The following LARGE1 variants were observed in gnomAD, a reference collection of about 807,000 sequenced individuals.
The protein encoded by LARGE1 is LARGE xylosyl- and glucuronyltransferase 1.
A neutral mutation model predicts 87.6 loss-of-function variants in LARGE1; 43 were observed. That is an observed-to-expected ratio of 0.49 (90% CI 0.38 to 0.63). LARGE1 has a LOEUF of 0.63. Among genes scored for constraint, LARGE1 ranks in the 30% least tolerant of loss-of-function variants. The probability of loss-of-function intolerance (pLI) is 0.00; values close to 1 mark genes in which losing one functional copy is unlikely to be tolerated. For synonymous variants in LARGE1, 434 were observed against 394.6 expected (o/e 1.10, Z -1.18); for missense variants, 802 against 1,000.2 (o/e 0.80, Z 2.67).
At chr22:33,730,332 T>C (rs578012160) in intron 2 of LARGE1, among the ~76,000 whole-genome samples, 1 of 152,256 alleles carries the variant, frequency 6.6e-6, no homozygotes, top group African/African-American at 2.4e-5. Flanking sequence ...GTGAATCAAC[T>C]GTTACTGTTA....
intron 2 of LARGE1, among the ~76,000 whole-genome samples, chr22:33,699,637 C>T (rs902324695): frequency 6.6e-6 from 1 of 152,042 alleles, no homozygotes; most frequent in Non-Finnish European, 1.5e-5. Flanking sequence ...ATATCTGAAC[C>T]AATATATTTG....
At chr22:33,606,705 A>C (rs1277956303) in intron 4 of LARGE1, among the ~76,000 whole-genome samples, 1 of 152,128 alleles carries the variant, frequency 6.6e-6, no homozygotes, top group Non-Finnish European at 1.5e-5. Context: ...TCAGGGGATG[A>C]GCTGGATGCT....
chr22:33,257,708 A>G (rs1288305231), intron 11 of LARGE1, among the ~76,000 whole-genome samples: 2 of 152,194 alleles, frequency 1.3e-5, no homozygotes, highest in Non-Finnish European at 1.5e-5. Flanking sequence ...AGAGAGGGGA[A>G]TAAGTTGCTC....
intron 11 of LARGE1, among the ~76,000 whole-genome samples, chr22:33,315,818 CG>C (rs1231954786): frequency 2.0e-5 from 3 of 151,994 alleles, no homozygotes; most frequent in Non-Finnish European, 4.4e-5. Context: ...TTAGTAGAGA[CG>C]GGGTTTCACC....
intron 7 of LARGE1, among the ~76,000 whole-genome samples, chr22:33,388,805 G>A (rs1331063053): frequency 6.6e-6 from 1 of 152,044 alleles, no homozygotes; most frequent in Admixed American, 6.6e-5. Context: ...GACCTCAGGT[G>A]ATCCACCCAC....
At chr22:33,444,853 G>A (rs1050235443) in intron 6 of LARGE1, among the ~76,000 whole-genome samples, 10 of 152,174 alleles carry the variant, frequency 6.6e-5, no homozygotes, top group Admixed American at 2.6e-4. Flanking sequence ...ACGGTGAGAC[G>A]TTGTCTTGTT....
At chr22:33,225,633 A>C (rs552623553) in intron 11 of LARGE1, among the ~76,000 whole-genome samples, 2 of 152,074 alleles carry the variant, frequency 1.3e-5, no homozygotes, top group East Asian at 3.9e-4. Context: ...AACTTGTGTC[A>C]TGGGGGTTTG....
At chr22:33,698,423 CCT>C (rs1212605767) in intron 2 of LARGE1, among the ~76,000 whole-genome samples, 1 of 148,380 alleles carries the variant, frequency 6.7e-6, no homozygotes. Context: ...GCCTCAGCCC[CCT>C]GAGTAGCTGA....
chr22:33,157,526 C>T (rs1365492952), downstream of LARGE1, among the ~76,000 whole-genome samples: 1 of 152,174 alleles, frequency 6.6e-6, no homozygotes. Context: ...GCCTGTTAGT[C>T]CTCAGTAACA....
chr22:33,135,516 C>T, the LARGE1 span, among the ~76,000 whole-genome samples: 1 of 152,150 alleles, frequency 6.6e-6, no homozygotes, highest in African/African-American at 2.4e-5. Flanking sequence ...TTTTTCTAAA[C>T]CTTCATCATG....
intron 1 of LARGE1, among the ~76,000 whole-genome samples, chr22:33,792,066 A>G (rs939320941): frequency 1.3e-5 from 2 of 152,202 alleles, no homozygotes; most frequent in African/African-American, 4.8e-5. Context: ...AGCACTTAGC[A>G]GCAGAACCAG....
chr22:33,524,568 C>T (rs2071786145), intron 6 of LARGE1, among the ~76,000 whole-genome samples: 1 of 151,972 alleles, frequency 6.6e-6, no homozygotes, highest in African/African-American at 2.4e-5. Flanking sequence ...CGCTCCAACC[C>T]ACCCTTTTCT....
At chr22:33,610,135 AAC>A (rs1018361426) in intron 4 of LARGE1, among the ~76,000 whole-genome samples, 3 of 152,224 alleles carry the variant, frequency 2.0e-5, no homozygotes, top group Admixed American at 2.0e-4. Flanking sequence ...AGAACAGCCT[AAC>A]ACAGAAAAAT....
intron 1 of LARGE1, among the ~76,000 whole-genome samples, chr22:33,915,042 C>CACACACAGAGAGAGAGAG (rs144076486): frequency 7.3e-6 from 1 of 137,032 alleles, no homozygotes; most frequent in Non-Finnish European, 1.6e-5. Flanking sequence ...CACACACACA[C>CACACACAGAGAGAGAGAG]AGAGAGAGAG....
At chr22:33,433,857 T>G (rs1314333717) in intron 6 of LARGE1, among the ~76,000 whole-genome samples, 1 of 152,216 alleles carries the variant, frequency 6.6e-6, no homozygotes, top group Non-Finnish European at 1.5e-5. Flanking sequence ...CTCCTTGGTA[T>G]GATGACAGCT....
intron 11 of LARGE1, among the ~76,000 whole-genome samples, chr22:33,183,640 A>ACG (rs1568963722): frequency 2.1e-5 from 3 of 145,560 alleles, no homozygotes; most frequent in South Asian, 2.1e-4. Context: ...ACACACACAC[A>ACG]CACACACACA....
At chr22:33,320,189 C>T (rs1936573440) in intron 10 of LARGE1, among the ~76,000 whole-genome samples, 1 of 152,146 alleles carries the variant, frequency 6.6e-6, no homozygotes, top group Non-Finnish European at 1.5e-5. Flanking sequence ...GCTGCTCTCT[C>T]TGACCCATCA....
chr22:33,869,470 C>T (rs1418824062), intron 1 of LARGE1, among the ~76,000 whole-genome samples: 1 of 152,226 alleles, frequency 6.6e-6, no homozygotes, highest in Admixed American at 6.5e-5. Flanking sequence ...AGCCTCCTCA[C>T]ATCTGGATGC....
chr22:33,524,518 T>C (rs1189950858), intron 6 of LARGE1, among the ~76,000 whole-genome samples: 1 of 152,022 alleles, frequency 6.6e-6, no homozygotes, highest in Non-Finnish European at 1.5e-5. Flanking sequence ...TGGGGCCACA[T>C]AACGTCTCAC....
Sources: gnomAD v4.1 joint callset for allele counts (sites outside exome capture counted in the v4.1 genomes callset) on GRCh38, gnomAD v4.1.1 for gene constraint, MANE v1.5 for transcripts, NCBI Gene and HGNC (gene_info 2026-07-23, HGNC 2026-07-21) for gene names.